The following EHBP1 variants were observed in gnomAD, a reference collection of about 807,000 sequenced individuals.
EHBP1 encodes the protein EH domain binding protein 1.
Under a neutral mutation model 144.0 loss-of-function variants are expected in EHBP1, and 55 were observed. The observed-to-expected ratio is 0.38, with a 90% confidence interval of 0.31 to 0.48. EHBP1 has a LOEUF of 0.48. Among genes scored for constraint, EHBP1 ranks in the 20% least tolerant of loss-of-function variants. The pLI is 0.98. For missense variants in EHBP1, 1,200 were observed against 1,364.2 expected, an observed-to-expected ratio of 0.88 and a Z score of 1.90; for synonymous variants, 469 against 472.7, an observed-to-expected ratio of 0.99 and a Z score of 0.10.
At chr2:63,003,175 T>C (rs2059913487) in intron 19 of EHBP1, among the ~76,000 whole-genome samples, 1 of 152,000 alleles carries the variant, frequency 6.6e-6, no homozygotes, top group Non-Finnish European at 1.5e-5. Context: ...AATGAACATG[T>C]TTATGGTGCT....
chr2:62,848,568 A>G (rs1219488154), intron 7 of EHBP1, among the ~76,000 whole-genome samples: 1 of 152,246 alleles, frequency 6.6e-6, no homozygotes, highest in Admixed American at 6.5e-5. Context: ...AAACCGTAGT[A>G]TGTTCATGAA....
At chr2:62,733,026 C>G (rs892082195) in intron 2 of EHBP1, among the ~76,000 whole-genome samples, 13 of 152,160 alleles carry the variant, frequency 8.5e-5, no homozygotes, top group African/African-American at 2.7e-4. Context: ...CAGTAACACC[C>G]TTAGCATATC....
intron 15 of EHBP1, among the ~76,000 whole-genome samples, chr2:62,981,872 C>T (rs1307725386): frequency 2.0e-5 from 3 of 152,210 alleles, no homozygotes; most frequent in Non-Finnish European, 4.4e-5. Context: ...AGTCAGGTTT[C>T]TTATTCCTGA....
chr2:62,934,796 A>G lies in EHBP1; in HGVS notation c.1186-7922A>G, dbSNP rs371492199. Among the ~76,000 whole-genome samples, 16 of 152,308 alleles carry G rather than the reference A, an allele frequency of 1.1e-4. No homozygotes were observed. The East Asian group carries it at 2.5e-3, about 24-fold the overall frequency. ...TTATTCATAGGCCTTCGAGTTAGAT[A>G]CAGTTCACCAAACTGGGGTCAGTTT... is the stretch of plus-strand genomic sequence containing the variant. On this transcript the variant is annotated intron_variant, in intron 10 of 22. Coordinates refer to ENST00000431489, the MANE Select transcript of EHBP1 (RefSeq NM_001142616.3).
At chr2:62,749,108 A>G (rs2039429941) in intron 3 of EHBP1, among the ~76,000 whole-genome samples, 1 of 152,098 alleles carries the variant, frequency 6.6e-6, no homozygotes, top group African/African-American at 2.4e-5. Flanking sequence ...TATATTAGGT[A>G]TATCTCCTAA....
intron 1 of EHBP1, among the ~76,000 whole-genome samples, chr2:62,690,930 T>G (rs2033885111): frequency 1.3e-5 from 2 of 152,340 alleles, no homozygotes; most frequent in Admixed American, 1.3e-4. Context: ...AGACAGGTGC[T>G]GTGATGACAA....
chr2:62,691,447 C>T (rs568760116), intron 1 of EHBP1, among the ~76,000 whole-genome samples: 1 of 152,300 alleles, frequency 6.6e-6, no homozygotes, highest in South Asian at 2.1e-4. Flanking sequence ...AAGACTTAGC[C>T]AAACTTAGGC....
At chr2:62,976,361 T>C (rs929467695) in intron 14 of EHBP1, among the ~76,000 whole-genome samples, 2 of 152,218 alleles carry the variant, frequency 1.3e-5, no homozygotes, top group African/African-American at 4.8e-5. Flanking sequence ...GTTCTACCCA[T>C]TGGTTTCTAC....
At chr2:62,806,946 C>T (rs902157517) in intron 5 of EHBP1, among the ~76,000 whole-genome samples, 45 of 152,114 alleles carry the variant, frequency 3.0e-4, no homozygotes, top group African/African-American at 1.1e-3. Context: ...TTTATAGTCA[C>T]CCCTCAGTAT....
At chr2:63,008,808 A>G (rs114700623) in intron 19 of EHBP1, among the ~76,000 whole-genome samples, 405 of 151,796 alleles carry the variant, frequency 2.7e-3, no homozygotes, top group African/African-American at 8.7e-3. Context: ...GCATATGCAG[A>G]TAATATTCTA....
chr2:62,727,557 T>C (rs1366544334), intron 2 of EHBP1, among the ~76,000 whole-genome samples: 1 of 152,192 alleles, frequency 6.6e-6, no homozygotes, highest in Non-Finnish European at 1.5e-5. Context: ...CCAGATACTA[T>C]ATGGTCTTTT....
At chr2:62,881,068 A>G (rs2051369023) in intron 10 of EHBP1, among the ~76,000 whole-genome samples, 1 of 152,208 alleles carries the variant, frequency 6.6e-6, no homozygotes, top group Non-Finnish European at 1.5e-5. Context: ...GCCATAAAAA[A>G]GAACAAAATC....
chr2:62,714,587 TTAAG>T (rs758390700), intron 2 of EHBP1, among the ~76,000 whole-genome samples: 7 of 152,306 alleles, frequency 4.6e-5, no homozygotes, highest in East Asian at 1.9e-4. Flanking sequence ...GTTTTGAAGA[TTAAG>T]TAAGATAATA....
At chr2:62,678,515 C>T (rs936877285) in intron 1 of EHBP1, among the ~76,000 whole-genome samples, 5 of 152,002 alleles carry the variant, frequency 3.3e-5, no homozygotes, top group Non-Finnish European at 5.9e-5. Context: ...TGATTTATAA[C>T]CTAGGGCCAG....
chr2:62,856,194 A>G (rs755229437), intron 7 of EHBP1, among the ~76,000 whole-genome samples: 1 of 152,230 alleles, frequency 6.6e-6, no homozygotes, highest in Admixed American at 6.5e-5. Flanking sequence ...GAGAACTGTA[A>G]CACAAACAGG....
chr2:62,830,153 GACACACACACACACACAC>G (rs368948717), intron 6 of EHBP1, among the ~76,000 whole-genome samples: 7,332 of 132,162 alleles, frequency 0.055, 307 homozygotes, highest in African/African-American at 0.12. Context: ...TATATATATA[GACACACACACACACACAC>G]ACACACACAC....
chr2:62,811,667 T>A (rs759010523), intron 5 of EHBP1, among the ~76,000 whole-genome samples: 2 of 152,138 alleles, frequency 1.3e-5, no homozygotes, highest in African/African-American at 4.8e-5. Context: ...CACAAACAAA[T>A]TTTATAACTG....
intron 2 of EHBP1, among the ~76,000 whole-genome samples, chr2:62,744,793 A>G (rs2039003717): frequency 6.6e-6 from 1 of 152,052 alleles, no homozygotes; most frequent in African/African-American, 2.4e-5. Flanking sequence ...GAATGAGGCA[A>G]CAGTTCAGGT....
At chr2:62,880,633 A>G (rs1031844272) in intron 10 of EHBP1, among the ~76,000 whole-genome samples, 2 of 152,192 alleles carry the variant, frequency 1.3e-5, no homozygotes, top group African/African-American at 4.8e-5. Flanking sequence ...ACATGTGGCC[A>G]TCGAGTATAT....
Sources: gnomAD v4.1 joint callset for allele counts (sites outside exome capture counted in the v4.1 genomes callset) on GRCh38, gnomAD v4.1.1 for gene constraint, MANE v1.5 for transcripts, NCBI Gene and HGNC (gene_info 2026-07-23, HGNC 2026-07-21) for gene names.